TLN1: variants seen among roughly 807,000 people sequenced by gnomAD.
The protein encoded by TLN1 is talin 1.
A neutral mutation model predicts 292.3 loss-of-function variants in TLN1; 56 were observed. The observed-to-expected ratio is 0.19, with a 90% CI of 0.15 to 0.24. TLN1 has a LOEUF of 0.24. Ranked by LOEUF, TLN1 falls within the 10% of genes least tolerant of loss-of-function variation. The pLI is 1.00. For synonymous variants in TLN1, 1,119 were observed against 1,253.7 expected (o/e 0.89, Z 2.27); for missense variants, 2,433 against 3,248.2 (o/e 0.75, Z 6.10).
intron 10 of TLN1, 100 bp from the exon 11 acceptor site, chr9:35,721,013 C>A: frequency 1.2e-6 from 1 of 815,078 alleles, no homozygotes; most frequent in Non-Finnish European, 2.0e-6. Context: ...GAGATGCCTT[C>A]CCGTGGCAAC....
At position 35,717,890 on chromosome 9, in the gene TLN1, G is replaced by C. The variant is rs570733125; in HGVS notation, c.1996-104C>G. 3 of 1,399,020 alleles carry C rather than the reference G, an allele frequency of 2.1e-6. No individual in the cohort carries two copies. The East Asian group carries it at 7.1e-5, about 33-fold the overall frequency. The allele number at this position is 1,399,020 out of a possible 1,614,324, so 86.7% of individuals were successfully genotyped here. On this transcript the variant is annotated intron_variant, in intron 17 of 56. Transcript: ENST00000314888. This position sits in a 1 kb window ranked among gnomAD's most constrained non-coding sequence, Gnocchi z 4.7. ...CATTATTCCCACTGATCCAATCAAA[G>C]GAGAGTGTACGCAGAAGCAACCAGA...
At chr9:35,722,488 T>C (rs929671229) in intron 8 of TLN1, among the ~76,000 whole-genome samples, 3 of 152,204 alleles carry the variant, frequency 2.0e-5, no homozygotes, top group Non-Finnish European at 4.4e-5. Flanking sequence ...GAGAAGGCCT[T>C]CTGGGCTGAG....
chr9:35,717,755 G>C lies in TLN1; in HGVS notation c.2027C>G (p.Ala676Gly). 4 of 1,608,952 alleles carry C rather than the reference G, an allele frequency of 2.5e-6. No homozygotes were observed. Among genetic ancestry groups the C allele is most frequent in the Non-Finnish European group, 2.6e-6 (3 of 1,176,098 alleles). Residue 676 changes from alanine (A) to glycine (G), a missense_variant, in exon 18 of 57, where the codon GCA becomes GGA. Physicochemically the swap from Ala to Gly is moderately conservative, Grantham distance 60. Around this residue, in one of 7 missense-constraint regions of TLN1, gnomAD observed 617 missense variants for 770.6 expected, o/e 0.80. Coordinates refer to ENST00000314888, the MANE Select transcript of TLN1 (RefSeq NM_006289.4). This position sits in a 1 kb window ranked among gnomAD's most constrained non-coding sequence, Gnocchi z 4.7. ...GAGGACCAGGGCAGCTGCAGCACTT[G>C]CCACAGCTTTGGCGAGCTGCATTAG... ...DALMQLAKAV[A>G]SAAAALVLKA... is the part of the protein sequence containing the mutation.
At chr9:35,710,503 G>A in intron 33 of TLN1, 58 bp downstream of exon 33, 1 of 1,579,380 alleles carries the variant, frequency 6.3e-7, no homozygotes. Flanking sequence ...GTCAGGCTGA[G>A]AGAAAATGGG....
Position 35,722,893 on chromosome 9 carries a change from C to T in TLN1, c.811G>A (p.Val271Met), listed in dbSNP as rs1212263218. Reference protein sequence around the residue: ...DLKDFLPKEYVKQKGERKIFQ... With the variant: ...DLKDFLPKEYMKQKGERKIFQ... ...ATCTTACGCTCTCCCTTCTGCTTCA[C>T]ATACTCCTTGGGCAGGAAGTCCTTC... The change falls in exon 8 of 57, where the codon GTG becomes ATG. Residue 271 changes from valine (V) to methionine (M), a missense_variant. Around this residue, in one of 7 missense-constraint regions of TLN1, gnomAD observed 78 missense variants for 88.8 expected, o/e 0.88. Transcript: ENST00000314888. The T allele has an allele frequency of 1.9e-6, 3 of 1,614,044 alleles. No homozygotes were observed. Among genetic ancestry groups the T allele is most frequent in the South Asian group, 2.2e-5 (2 of 91,090 alleles).
intron 1 of TLN1, 79 bp downstream of exon 1, chr9:35,731,994 AAG>A: frequency 6.5e-6 from 1 of 152,692 alleles, no homozygotes; most frequent in African/African-American, 2.4e-5. Flanking sequence ...CCGGACACGC[AAG>A]AGAGGCAGGG....
In TLN1 at chr9:35,717,375, T is replaced by A. The variant is rs748281638; in HGVS notation, c.2229A>T (p.Val743=). 6.2e-7 allele frequency: 1 copy of A among 1,614,178 alleles called. No individual in the cohort carries two copies. Among genetic ancestry groups the A allele is most frequent in the East Asian group, 2.2e-5 (1 of 44,892 alleles). ...ACACACAGCCCTCCACGGCTTTGGC[T>A]ACCAGTCGTCCAGCCTCCACCAGTT... ...QEQLVEAGRL[V]AKAVEGCVSA... The change falls in exon 19 of 57, where the codon GTA becomes GTT. Residue 743 remains valine (V), a synonymous_variant. Transcript: ENST00000314888. The surrounding 1 kb of genome is among the most constrained non-coding windows in gnomAD (Gnocchi z 4.7).
rs561531732 is a variant in TLN1 at position 35,721,630 on chromosome 9, T to A, written c.1104+18A>T. ...TGAAACTCCCAAAGCACTTTCTTGT[T>A]ATAGTCCCCAGACTTACCAGGGTGA... On this transcript the variant is annotated intron_variant, in intron 10 of 56. Transcript: ENST00000314888. 2 of 1,603,688 alleles carry A rather than the reference T, an allele frequency of 1.2e-6. No individual in the cohort carries two copies. The highest frequency in any genetic ancestry group is 2.7e-5 in the African/African-American group (2 of 74,726).
chr9:35,726,804 G>A (rs1825985695), intron 1 of TLN1, among the ~76,000 whole-genome samples: 1 of 152,218 alleles, frequency 6.6e-6, no homozygotes, highest in African/African-American at 2.4e-5. Context: ...TTTTGGAGAA[G>A]GGGAAATAGA....
intron 56 of TLN1, 50 bp from the exon 57 acceptor site, chr9:35,697,966 C>G (rs1330536003): frequency 6.2e-7 from 1 of 1,613,820 alleles, no homozygotes; most frequent in Non-Finnish European, 8.5e-7. Flanking sequence ...ACAGCAGGGG[C>G]ATAGGGTAGT....
chr9:35,711,567 T>C, intron 29 of TLN1, 28 bp downstream of exon 29: 1 of 1,613,282 alleles, frequency 6.2e-7, no homozygotes, highest in East Asian at 2.2e-5. Flanking sequence ...GTGGGAACCA[T>C]TCAACCAGAC....
rs541082579 is a variant in TLN1 at position 35,725,919 on chromosome 9, A to AT, written c.-33-193dup. Among the ~76,000 whole-genome samples, 211 of 148,516 alleles carry AT rather than the reference A, an allele frequency of 1.4e-3. 3 individuals carry two copies. The South Asian group carries it at 0.022, about 16-fold the overall frequency. The stretch of plus-strand genomic sequence containing the variant: ...TACATCAAAAGAATGAGTCCTGACA[A>AT]TTTTTTTTTTTGAGACAGAGTTTCG... On this transcript the variant is annotated intron_variant, in intron 1 of 56. Coordinates refer to ENST00000314888, the MANE Select transcript of TLN1 (RefSeq NM_006289.4).
Position 35,724,704 on chromosome 9 carries a change from A to G in TLN1, c.379T>C (p.Tyr127His). 6.2e-7 allele frequency: 1 copy of G among 1,614,164 alleles called. No individual in the cohort carries two copies. Among genetic ancestry groups the G allele is most frequent in the Non-Finnish European group, 8.5e-7 (1 of 1,180,040 alleles). Reference sequence around the variant, plus strand: ...TCCATCAGCTCTCGAACCAATGAATATTCATCATGATTGGTGATGCCTGAG... The same window carrying G: ...TCCATCAGCTCTCGAACCAATGAATGTTCATCATGATTGGTGATGCCTGAG... ...ARIGITNHDEYSLVRELMEEK... is the reference protein window; with the variant it reads ...ARIGITNHDEHSLVRELMEEK... Residue 127 changes from tyrosine to histidine, a missense_variant, in exon 5 of 57, where the codon TAT (tyrosine) becomes CAT (histidine). By Grantham distance (83) the Tyr-to-His change is moderately conservative (BLOSUM62 2). Around this residue, in one of 7 missense-constraint regions of TLN1, gnomAD observed 155 missense variants for 287.9 expected, o/e 0.54. Transcript: ENST00000314888. This position sits in a 1 kb window ranked among gnomAD's most constrained non-coding sequence, Gnocchi z 4.7.
chr9:35,710,037 C>T (rs542454628), intron 33 of TLN1, among the ~76,000 whole-genome samples: 116 of 146,764 alleles, frequency 7.9e-4, no homozygotes, highest in African/African-American at 2.8e-3. Context: ...TGGTGAAACC[C>T]TGTCTTTACT....
chr9:35,713,125 A>G, intron 26 of TLN1, 71 bp downstream of exon 26: 1 of 1,570,982 alleles, frequency 6.4e-7, no homozygotes. Flanking sequence ...TGTCAGTCCC[A>G]TCCCTCATCC....
Position 35,706,040 on chromosome 9 carries a change from T to C in TLN1, c.5433A>G (p.Thr1811=), listed in dbSNP as rs148285672. 247 of 1,614,190 alleles carry C rather than the reference T, an allele frequency of 1.5e-4. No homozygotes were observed. In the African/African-American group the frequency reaches 2.9e-3, roughly 19 times the overall value. ...CACTGGCTGCCTCGTTGAGGGTTGT[T>C]GTCAGGTCCTCTACGGCCTCGGTCA... is the stretch of plus-strand genomic sequence containing the variant. ...QMMTEAVEDL[T]TTLNEAASAA... is the part of the protein sequence containing the mutation. The change falls in exon 41 of 57, where the codon ACA becomes ACG. Residue 1811 remains threonine (T), a synonymous_variant. Transcript: ENST00000314888. The surrounding 1 kb of genome is among the most constrained non-coding windows in gnomAD (Gnocchi z 4.2).
rs1238918429 is a variant in TLN1, at chr9:35,713,181, T to G, written c.3352+15A>C. On this transcript the variant is annotated intron_variant, in intron 26 of 56. Transcript: ENST00000314888. ...CCTCACAATATGCCCCATGCCTGGC[T>G]CTCTGCCCACATACCTGCATAATTC... 2 of 1,588,438 alleles carry G rather than the reference T, an allele frequency of 1.3e-6. No individual in the cohort carries two copies. The highest frequency in any genetic ancestry group is 1.7e-6 in the Non-Finnish European group (2 of 1,159,032).
Position 35,699,497 on chromosome 9 carries a change from C to T in TLN1, c.6769-36G>A, listed in dbSNP as rs1340536710. The stretch of plus-strand genomic sequence containing the variant: ...AGCGGGCAGGGGACAAAGAGCATCA[C>T]ATCTTAGGGTCTACCCTGATCTATG... On this transcript the variant is annotated intron_variant, in intron 50 of 56. Transcript: ENST00000314888. The surrounding 1 kb of genome is among the most constrained non-coding windows in gnomAD (Gnocchi z 4.0). The T allele has an allele frequency of 1.3e-6, 2 of 1,594,466 alleles. No homozygotes were observed. The highest frequency in any genetic ancestry group is 1.7e-6 in the Non-Finnish European group (2 of 1,169,418).
chr9:35,711,276 C>T lies in TLN1; in HGVS notation c.3998G>A (p.Ser1333Asn), dbSNP rs1563942205. The T allele has an allele frequency of 6.2e-7, 1 of 1,614,172 alleles. No individual in the cohort carries two copies. Among genetic ancestry groups the T allele is most frequent in the Non-Finnish European group, 8.5e-7 (1 of 1,180,040 alleles). The change falls in exon 30 of 57, where the codon AGT (serine) becomes AAT (asparagine). Residue 1333 changes from serine (S) to asparagine (N), a missense_variant. Transcript: ENST00000314888. ...STDPAAPNLK[S>N]QLAAAARAVT... Reference sequence around the variant, plus strand: ...TTACCTGGCAGCTGCAGCCAGCTGACTCTTGAGGTTAGGGGCAGCAGGGTC... The same window carrying T: ...TTACCTGGCAGCTGCAGCCAGCTGATTCTTGAGGTTAGGGGCAGCAGGGTC...
Sources: gnomAD v4.1 joint callset for allele counts (sites outside exome capture counted in the v4.1 genomes callset) on GRCh38, gnomAD v4.1.1 for gene constraint, gnomAD v4.1.1 regional missense constraint, Gnocchi (gnomAD v3.1) non-coding constraint, MANE v1.5 for transcripts, NCBI Gene and HGNC (gene_info 2026-07-23, HGNC 2026-07-21) for gene names.